CDH12: variants seen among roughly 807,000 people sequenced by gnomAD.
CDH12 encodes cadherin-12.
In CDH12, 41 loss-of-function variants were observed where a neutral mutation model predicts 74.1. The observed-to-expected ratio is 0.55, with a 90% CI of 0.43 to 0.72. CDH12 has a LOEUF of 0.72. CDH12 is among the 30% of genes least tolerant of loss of function. The pLI is 0.00. For missense variants in CDH12, 945 were observed against 977.2 expected, an observed-to-expected ratio of 0.97 and a Z score of 0.44; for synonymous variants, 399 against 355.0, an observed-to-expected ratio of 1.12 and a Z score of -1.39.
chr5:22,133,719 T>C (rs185055253), intron 4 of CDH12, among the ~76,000 whole-genome samples: 3 of 152,246 alleles, frequency 2.0e-5, no homozygotes, highest in African/African-American at 7.2e-5. Flanking sequence ...TAAATTTGTT[T>C]ATATTCTATA....
At chr5:22,395,122 T>C (rs1742402201) in intron 3 of CDH12, among the ~76,000 whole-genome samples, 2 of 152,154 alleles carry the variant, frequency 1.3e-5, no homozygotes, top group African/African-American at 4.8e-5. Context: ...ATGAAGATAC[T>C]AGCCTGGATT....
At chr5:22,776,577 T>C (rs947297645) in intron 1 of CDH12, among the ~76,000 whole-genome samples, 5 of 152,144 alleles carry the variant, frequency 3.3e-5, no homozygotes, top group African/African-American at 1.2e-4. Context: ...GGAAGGATTT[T>C]CAGAAAGAAG....
intron 1 of CDH12, among the ~76,000 whole-genome samples, chr5:22,759,898 G>C (rs979136194): frequency 2.0e-5 from 3 of 152,186 alleles, no homozygotes; most frequent in Admixed American, 6.5e-5. Flanking sequence ...GTTCAAGGCT[G>C]TCTACTGGTA....
intron 4 of CDH12, among the ~76,000 whole-genome samples, chr5:22,211,674 C>A (rs1021487801): frequency 6.6e-6 from 1 of 151,804 alleles, no homozygotes; most frequent in African/African-American, 2.4e-5. Context: ...ATGGTTTAAT[C>A]TGAATTACCT....
rs142281411 is a variant in CDH12, at chr5:21,942,668, T to C, written c.526+32423A>G. 3.0e-4 allele frequency among the ~76,000 whole-genome samples: 46 copies of C among 152,114 alleles called. No individual in the cohort carries two copies. In the East Asian group the frequency reaches 7.0e-3, roughly 23 times the overall value. Reference sequence around the variant, plus strand: ...TATATATGAGTATATATATTCAAAGTTCTGAAATGTTTTTCAAAGCAATGC... The same window carrying C: ...TATATATGAGTATATATATTCAAAGCTCTGAAATGTTTTTCAAAGCAATGC... On this transcript the variant is annotated intron_variant, in intron 6 of 14. Coordinates refer to ENST00000382254, the MANE Select transcript of CDH12 (RefSeq NM_004061.5).
intron 1 of CDH12, among the ~76,000 whole-genome samples, chr5:22,538,265 C>T (rs1284437770): frequency 6.6e-6 from 1 of 152,196 alleles, no homozygotes; most frequent in African/African-American, 2.4e-5. Context: ...AGCCAATCTA[C>T]TCCCTCTGGT....
At chr5:22,543,904 C>CA (rs1738205339) in intron 1 of CDH12, among the ~76,000 whole-genome samples, 2 of 147,068 alleles carry the variant, frequency 1.4e-5, no homozygotes, top group Non-Finnish European at 1.5e-5. Flanking sequence ...TTGTCATTTT[C>CA]TTTTTTTTTT....
intron 2 of CDH12, among the ~76,000 whole-genome samples, chr5:22,463,048 T>C (rs1278318723): frequency 1.3e-5 from 2 of 152,006 alleles, no homozygotes; most frequent in African/African-American, 4.8e-5. Flanking sequence ...AATTAATAAA[T>C]TACAAAAAAG....
intron 9 of CDH12, among the ~76,000 whole-genome samples, chr5:21,813,656 G>GC (rs1203293970): frequency 1.3e-5 from 2 of 152,058 alleles, no homozygotes; most frequent in African/African-American, 2.4e-5. Flanking sequence ...CTTCATTCCA[G>GC]CCCCACTGGC....
At chr5:21,952,125 A>C (rs1353431028) in intron 6 of CDH12, among the ~76,000 whole-genome samples, 1 of 152,208 alleles carries the variant, frequency 6.6e-6, no homozygotes, top group Non-Finnish European at 1.5e-5. Context: ...TAATAGTTCC[A>C]GAGTTCTTAC....
intron 2 of CDH12, among the ~76,000 whole-genome samples, chr5:22,453,710 A>G (rs1745145066): frequency 6.6e-6 from 1 of 152,196 alleles, no homozygotes; most frequent in Non-Finnish European, 1.5e-5. Flanking sequence ...GCATATTTCA[A>G]AATAGCAAGA....
chr5:22,832,139 G>A (rs1175164292), intron 1 of CDH12, among the ~76,000 whole-genome samples: 1 of 152,092 alleles, frequency 6.6e-6, no homozygotes, highest in African/African-American at 2.4e-5. Context: ...GAAACAACTG[G>A]CTTCTAACTC....
intron 11 of CDH12, among the ~76,000 whole-genome samples, chr5:21,775,166 T>C (rs1745519785): frequency 6.6e-6 from 1 of 152,232 alleles, no homozygotes; most frequent in Non-Finnish European, 1.5e-5. Flanking sequence ...GAACTATTAA[T>C]ACCTTTTTTG....
intron 1 of CDH12, among the ~76,000 whole-genome samples, chr5:22,827,335 C>A (rs760057339): frequency 3.9e-5 from 6 of 152,182 alleles, no homozygotes; most frequent in Non-Finnish European, 7.3e-5. Flanking sequence ...GTACACCTGG[C>A]ATTAATCTTT....
At chr5:22,801,017 C>T (rs1371469885) in intron 1 of CDH12, among the ~76,000 whole-genome samples, 1 of 152,136 alleles carries the variant, frequency 6.6e-6, no homozygotes, top group African/African-American at 2.4e-5. Context: ...CCATGTGCTG[C>T]TCGTTCTGTG....
At chr5:22,129,255 T>C (rs576936049) in intron 4 of CDH12, among the ~76,000 whole-genome samples, 1 of 152,336 alleles carries the variant, frequency 6.6e-6, no homozygotes, top group African/African-American at 2.4e-5. Flanking sequence ...GTAACACCTC[T>C]GAGTTTCCAT....
At chr5:22,666,725 G>A (rs984588737) in intron 1 of CDH12, among the ~76,000 whole-genome samples, 1 of 152,088 alleles carries the variant, frequency 6.6e-6, no homozygotes, top group Non-Finnish European at 1.5e-5. Context: ...GCCACCAAGG[G>A]TGACATTTTT....
chr5:22,840,209 C>A (rs916086305), intron 1 of CDH12, among the ~76,000 whole-genome samples: 5 of 152,140 alleles, frequency 3.3e-5, no homozygotes, highest in African/African-American at 1.2e-4. Flanking sequence ...CAACCTCTGC[C>A]TCCTGGGTTC....
At chr5:22,167,976 TC>T (rs1170946640) in intron 4 of CDH12, among the ~76,000 whole-genome samples, 1 of 152,144 alleles carries the variant, frequency 6.6e-6, no homozygotes, top group Non-Finnish European at 1.5e-5. Flanking sequence ...TTTATAAGGT[TC>T]TTTTTCCTCT....
Sources: gnomAD v4.1 joint callset for allele counts (sites outside exome capture counted in the v4.1 genomes callset) on GRCh38, gnomAD v4.1.1 for gene constraint, MANE v1.5 for transcripts, NCBI Gene and HGNC (gene_info 2026-07-23, HGNC 2026-07-21) for gene names.